LRP1B: variants seen among roughly 807,000 people sequenced by gnomAD.
The protein encoded by LRP1B is LDL receptor related protein 1B, also known as low-density lipoprotein receptor-related protein 1B.
A neutral mutation model predicts 556.6 loss-of-function variants in LRP1B; 217 were observed. The observed-to-expected ratio is 0.39, with a 90% confidence interval of 0.35 to 0.44. LRP1B has a LOEUF of 0.44. Ranked by LOEUF, LRP1B falls within the 20% of genes least tolerant of loss-of-function variation. LRP1B has a pLI of 1.00. For synonymous variants in LRP1B, 2,047 were observed against 1,865.8 expected (o/e 1.10, Z -2.50); for missense variants, 5,053 against 5,620.8 (o/e 0.90, Z 3.23).
intron 3 of LRP1B, among the ~76,000 whole-genome samples, chr2:141,367,470 G>A: frequency 1.2e-5 from 1 of 82,612 alleles, no homozygotes; most frequent in African/African-American, 4.6e-5. Context: ...CATTTGAAAT[G>A]CTTTTTTTTT....
Position 141,695,119 on chromosome 2 carries a change from T to C in LRP1B, c.205+115160A>G, listed in dbSNP as rs1340711694. On this transcript the variant is annotated intron_variant, in intron 2 of 90. Coordinates refer to ENST00000389484, the MANE Select transcript of LRP1B (RefSeq NM_018557.3). The stretch of plus-strand genomic sequence containing the variant: ...CCATGCAGACTATCCCTCTCTTTCA[T>C]GCCATTTATTTTTTCCCATACTTAT... Among the ~76,000 whole-genome samples, 3 of 152,012 alleles carry C rather than the reference T, an allele frequency of 2.0e-5. No homozygotes were observed. The East Asian group carries it at 5.8e-4, about 29-fold the overall frequency.
At chr2:141,862,848 A>G (rs766220536) in intron 1 of LRP1B, among the ~76,000 whole-genome samples, 13 of 152,236 alleles carry the variant, frequency 8.5e-5, no homozygotes, top group Admixed American at 7.9e-4. Context: ...TACACCCACA[A>G]ATTTCCCAAT....
intron 7 of LRP1B, among the ~76,000 whole-genome samples, chr2:141,128,046 T>C (rs1701260342): frequency 6.6e-6 from 1 of 152,142 alleles, no homozygotes; most frequent in African/African-American, 2.4e-5. Context: ...CTAGAAGCAA[T>C]CACAGCTCAT....
intron 1 of LRP1B, among the ~76,000 whole-genome samples, chr2:142,105,482 A>G (rs1223884216): frequency 1.3e-5 from 2 of 152,186 alleles, no homozygotes; most frequent in East Asian, 1.9e-4. Context: ...AGTTCACAAA[A>G]TGTAGAATTT....
At chr2:141,911,054 A>C (rs559552921) in intron 1 of LRP1B, among the ~76,000 whole-genome samples, 1 of 152,248 alleles carries the variant, frequency 6.6e-6, no homozygotes, top group Non-Finnish European at 1.5e-5. Context: ...ATACAGAACT[A>C]GGAACTGCTA....
intron 2 of LRP1B, 111 bp downstream of exon 2, chr2:141,810,168 G>GAAAGAAAGAAAGAAAGAAAGAAA (rs1553467624): frequency 4.7e-5 from 11 of 236,052 alleles, no homozygotes; most frequent in East Asian, 3.7e-4. Flanking sequence ...AAAGAAAGAA[G>GAAAGAAAGAAAGAAAGAAAGAAA]GAAAGAAAGA....
At chr2:141,747,044 C>T (rs536568681) in intron 2 of LRP1B, among the ~76,000 whole-genome samples, 2 of 152,224 alleles carry the variant, frequency 1.3e-5, no homozygotes, top group Non-Finnish European at 2.9e-5. Flanking sequence ...GGAAGGGAAA[C>T]CTCTTCCCCT....
chr2:140,748,097 A>C (rs1388986407), intron 35 of LRP1B, among the ~76,000 whole-genome samples: 3 of 13,098 alleles, frequency 2.3e-4, no homozygotes, highest in Non-Finnish European at 3.2e-4. Flanking sequence ...CTATGAATAT[A>C]TATATATATA....
intron 1 of LRP1B, among the ~76,000 whole-genome samples, chr2:141,889,361 A>T (rs1044830176): frequency 9.2e-5 from 14 of 152,196 alleles, no homozygotes; most frequent in African/African-American, 3.4e-4. Flanking sequence ...GAATATCAGC[A>T]TTCAAATTAT....
chr2:140,832,269 A>T (rs1344357625), intron 31 of LRP1B, among the ~76,000 whole-genome samples: 1 of 152,056 alleles, frequency 6.6e-6, no homozygotes, highest in Non-Finnish European at 1.5e-5. Context: ...GTATGTGTGG[A>T]TTTTGGTATA....
intron 5 of LRP1B, among the ~76,000 whole-genome samples, chr2:141,244,506 A>T (rs1683997808): frequency 6.6e-6 from 1 of 152,158 alleles, no homozygotes. Context: ...CAACTGAAAG[A>T]AGGACTGGCA....
At chr2:141,827,156 C>T (rs1696959555) in intron 1 of LRP1B, among the ~76,000 whole-genome samples, 1 of 152,168 alleles carries the variant, frequency 6.6e-6, no homozygotes, top group South Asian at 2.1e-4. Context: ...CAGTATACTT[C>T]TCAGAAAGAT....
intron 41 of LRP1B, among the ~76,000 whole-genome samples, chr2:140,681,853 G>T (rs1238898226): frequency 6.6e-6 from 1 of 151,846 alleles, no homozygotes; most frequent in East Asian, 1.9e-4. Flanking sequence ...CAACACTAAA[G>T]AAAAAAAGGA....
intron 3 of LRP1B, among the ~76,000 whole-genome samples, chr2:141,389,596 GCAACAA>G (rs146962572): frequency 2.6e-5 from 4 of 151,630 alleles, no homozygotes; most frequent in East Asian, 1.9e-4. Flanking sequence ...CGCACGAGGA[GCAACAA>G]CAACAACAAC....
chr2:140,934,281 G>A (rs899428196), intron 20 of LRP1B, among the ~76,000 whole-genome samples: 1 of 152,002 alleles, frequency 6.6e-6, no homozygotes, highest in East Asian at 1.9e-4. Flanking sequence ...CAAAGCCAGT[G>A]CTTTACTCTC....
chr2:140,781,096 G>C (rs1689682896), intron 32 of LRP1B, among the ~76,000 whole-genome samples: 2 of 152,086 alleles, frequency 1.3e-5, no homozygotes, highest in African/African-American at 4.8e-5. Context: ...GTGATCAATT[G>C]GATTCTGATG....
intron 1 of LRP1B, among the ~76,000 whole-genome samples, chr2:142,115,582 A>AAT (rs370782124): frequency 2.3e-5 from 1 of 42,942 alleles, no homozygotes; most frequent in African/African-American, 8.6e-5. Context: ...TTATATATGT[A>AAT]ATATATATAT....
Position 140,231,759 on chromosome 2 carries a change from C to A in LRP1B, c.*1427G>T, listed in dbSNP as rs1458644264. On this transcript the variant is annotated 3_prime_UTR_variant, in exon 91 of 91. Coordinates refer to ENST00000389484, the MANE Select transcript of LRP1B (RefSeq NM_018557.3). Reference sequence around the variant, plus strand: ...AATGCTTGTACAAAGGGATAAAGAGCAACCACATATTTAACATATTTCATC... The same window carrying A: ...AATGCTTGTACAAAGGGATAAAGAGAAACCACATATTTAACATATTTCATC... 2.0e-5 allele frequency: 3 copies of A among 151,422 alleles called. No homozygotes were observed. The highest frequency in any genetic ancestry group is 4.4e-5 in the Non-Finnish European group (3 of 67,442). 9.4% of individuals were successfully genotyped at this position (151,422 alleles called of 1,614,324 possible).
At chr2:140,761,284 C>T (rs888939777) in intron 35 of LRP1B, among the ~76,000 whole-genome samples, 2 of 152,090 alleles carry the variant, frequency 1.3e-5, no homozygotes, top group African/African-American at 4.8e-5. Context: ...ACCTGCCATC[C>T]GAGTTCACCC....
Sources: allele counts gnomAD v4.1 joint callset (sites outside exome capture counted in the v4.1 genomes callset), GRCh38; gene constraint gnomAD v4.1.1; transcripts MANE v1.5; gene names NCBI Gene and HGNC (gene_info 2026-07-23, HGNC 2026-07-21).